Variants in FOXP1 observed in about 807,000 individuals in gnomAD.
FOXP1 encodes the protein forkhead box protein P1.
A neutral mutation model predicts 98.2 loss-of-function variants in FOXP1; 15 were observed. The observed-to-expected ratio is 0.15, with a 90% CI of 0.10 to 0.24. The LOEUF (loss-of-function observed/expected upper bound fraction) is 0.24, where lower values mean the gene tolerates loss of function less well. FOXP1 is among the 10% of genes least tolerant of loss of function. FOXP1 has a pLI of 1.00. For missense variants in FOXP1, 633 were observed against 848.5 expected, an observed-to-expected ratio of 0.75 and a Z score of 3.15; for synonymous variants, 371 against 314.5, an observed-to-expected ratio of 1.18 and a Z score of -1.90.
chr3:71,052,662 G>T, intron 8 of FOXP1, 36 bp from the exon 9 acceptor site: 2 of 899,680 alleles, frequency 2.2e-6, no homozygotes, highest in Non-Finnish European at 3.8e-6. Flanking sequence ...GTAACAGAGG[G>T]TAGCGCCAAT....
At chr3:71,181,052 T>C (rs1486528797) in intron 6 of FOXP1, among the ~76,000 whole-genome samples, 6 of 152,214 alleles carry the variant, frequency 3.9e-5, no homozygotes, top group Non-Finnish European at 7.3e-5. Context: ...AAGGTTTGCC[T>C]GTCAAATAAG....
chr3:71,242,287 G>C (rs752481704), intron 5 of FOXP1, among the ~76,000 whole-genome samples: 3 of 152,166 alleles, frequency 2.0e-5, no homozygotes, highest in African/African-American at 2.4e-5. Flanking sequence ...AGGGAAGAGT[G>C]ACAGAAAACT....
At chr3:71,318,075 G>A (rs1206896800) in intron 4 of FOXP1, among the ~76,000 whole-genome samples, 1 of 151,446 alleles carries the variant, frequency 6.6e-6, no homozygotes, top group East Asian at 1.9e-4. Context: ...CTGTACACTG[G>A]TACAATTAAG....
At chr3:71,234,843 T>C (rs543670894) in intron 5 of FOXP1, among the ~76,000 whole-genome samples, 13 of 152,198 alleles carry the variant, frequency 8.5e-5, no homozygotes, top group African/African-American at 2.2e-4. Flanking sequence ...TGAAAACCAA[T>C]TGATACTAAT....
chr3:71,412,068 C>T (rs1221597926), intron 3 of FOXP1, among the ~76,000 whole-genome samples: 1 of 152,184 alleles, frequency 6.6e-6, no homozygotes, highest in Non-Finnish European at 1.5e-5. Context: ...CCCTACAGCA[C>T]CTGTCTCTCC....
intron 4 of FOXP1, among the ~76,000 whole-genome samples, chr3:71,323,743 T>C (rs1447889517): frequency 1.3e-5 from 2 of 152,236 alleles, no homozygotes; most frequent in Non-Finnish European, 2.9e-5. Context: ...CTTGACAAAG[T>C]AAATATTTCC....
chr3:71,293,514 A>C (rs1363613097), intron 5 of FOXP1, among the ~76,000 whole-genome samples: 1 of 151,812 alleles, frequency 6.6e-6, no homozygotes, highest in Admixed American at 6.6e-5. Context: ...ACCATTTGCT[A>C]TTTGGTTTTG....
rs1429222088 is a variant in FOXP1 at position 71,198,293 on chromosome 3, C to T, written c.89G>A (p.Gly30Asp). ...GTTGGACCGCCCCTCCCGAAGACCG[C>T]CGCACTCTAGTAAGTGGTTGCTGCC... is the stretch of plus-strand genomic sequence containing the variant. ...SGGSNHLLECGGLREGRSNGE... is the reference protein window; with the variant it reads ...SGGSNHLLECDGLREGRSNGE... The change falls in exon 6 of 21, where the codon GGC (glycine) becomes GAC (aspartate). Residue 30 changes from glycine to aspartate, a missense_variant. This residue lies in a region of FOXP1 where 103 missense variants were observed against 85.5 expected (regional missense o/e 1.20). Transcript: ENST00000649528. The T allele has an allele frequency of 2.5e-6, 4 of 1,614,152 alleles. No individual in the cohort carries two copies. Among genetic ancestry groups the T allele is most frequent in the Non-Finnish European group, 3.4e-6 (4 of 1,180,046 alleles).
chr3:71,479,853 A>G (rs372009259), intron 3 of FOXP1, among the ~76,000 whole-genome samples: 3 of 152,172 alleles, frequency 2.0e-5, no homozygotes, highest in East Asian at 3.8e-4. Context: ...TTTCTAACCG[A>G]AGTCTCCAAC....
intron 5 of FOXP1, among the ~76,000 whole-genome samples, chr3:71,281,039 C>CAAAAAAA (rs55640213): frequency 4.8e-5 from 4 of 83,558 alleles, no homozygotes; most frequent in South Asian, 3.6e-4. Flanking sequence ...CCCTTCTCTA[C>CAAAAAAA]AAAAAAAAAA....
chr3:71,290,460 CCAT>C (rs1560250842), intron 5 of FOXP1, among the ~76,000 whole-genome samples: 1 of 152,122 alleles, frequency 6.6e-6, no homozygotes, highest in Non-Finnish European at 1.5e-5. Context: ...GTGATCCTGG[CCAT>C]CATCATATCT....
intron 6 of FOXP1, chr3:71,197,890 AAG>A (rs777086257): frequency 1.2e-6 from 2 of 1,614,086 alleles, no homozygotes; most frequent in African/African-American, 2.7e-5. Context: ...CATTTCTCCA[AAG>A]AATAATTTTA....
chr3:71,244,339 A>C (rs2067537187), intron 5 of FOXP1, among the ~76,000 whole-genome samples: 1 of 151,972 alleles, frequency 6.6e-6, no homozygotes, highest in Non-Finnish European at 1.5e-5. Context: ...CCCCTCTTTT[A>C]GGTCAGCCAC....
chr3:71,532,808 A>G (rs1266120336), intron 2 of FOXP1, among the ~76,000 whole-genome samples: 2 of 152,182 alleles, frequency 1.3e-5, no homozygotes, highest in African/African-American at 2.4e-5. Flanking sequence ...AGCAACAACT[A>G]AGTTTACACT....
chr3:70,995,216 C>G (rs759873199), intron 13 of FOXP1, among the ~76,000 whole-genome samples: 1 of 152,140 alleles, frequency 6.6e-6, no homozygotes, highest in African/African-American at 2.4e-5. Context: ...AATCCCTAGG[C>G]CCACGGCCGG....
intron 3 of FOXP1, among the ~76,000 whole-genome samples, chr3:71,487,911 C>G (rs2090781085): frequency 6.6e-6 from 1 of 152,058 alleles, no homozygotes; most frequent in South Asian, 2.1e-4. Flanking sequence ...AACCTATATT[C>G]AATTTTATAA....
intron 4 of FOXP1, among the ~76,000 whole-genome samples, chr3:71,326,654 T>A (rs1422852919): frequency 1.3e-5 from 2 of 152,190 alleles, no homozygotes; most frequent in African/African-American, 2.4e-5. Context: ...ATCTTCCTCG[T>A]CTAAATGATC....
At chr3:71,583,507 G>A in intron 1 of FOXP1, 64 bp downstream of exon 1, 2 of 982,640 alleles carry the variant, frequency 2.0e-6, no homozygotes, top group Non-Finnish European at 2.4e-6. Context: ...GTTTAAAGTG[G>A]CGGAAACAAG....
At chr3:71,503,779 CAGA>C (rs1357563482) in intron 2 of FOXP1, among the ~76,000 whole-genome samples, 2 of 152,006 alleles carry the variant, frequency 1.3e-5, no homozygotes, top group Non-Finnish European at 2.9e-5. Flanking sequence ...AGATCATGTA[CAGA>C]ACATACAGGC....
Sources: allele counts gnomAD v4.1 joint callset (sites outside exome capture counted in the v4.1 genomes callset), GRCh38; gene constraint gnomAD v4.1.1; regional missense constraint gnomAD v4.1.1; transcripts MANE v1.5; gene names NCBI Gene and HGNC (gene_info 2026-07-23, HGNC 2026-07-21).